Variants in REPS2 observed in about 807,000 individuals in gnomAD.
REPS2 encodes the protein ralBP1-associated Eps domain-containing protein 2.
Under a neutral mutation model 53.6 loss-of-function variants are expected in REPS2, and 23 were observed. The ratio of observed to expected loss-of-function variants is 0.43; its 90% CI spans 0.31 to 0.61. The LOEUF (loss-of-function observed/expected upper bound fraction) is 0.61. Among genes scored for constraint, REPS2 ranks in the 20% least tolerant of loss-of-function variants. The probability of loss-of-function intolerance (pLI) is 0.11; values close to 1 mark genes in which losing one functional copy is unlikely to be tolerated. For synonymous variants in REPS2, 238 were observed against 218.6 expected (o/e 1.09, Z -0.78); for missense variants, 446 against 534.9 (o/e 0.83, Z 1.64).
chrX:17,179,030 A>G, the REPS2 span, among the ~76,000 whole-genome samples: 1 of 112,227 alleles, frequency 8.9e-6, no homozygotes, highest in East Asian at 2.8e-4. Context: ...CTCCACTCAC[A>G]TACTAATGAA....
the REPS2 span, among the ~76,000 whole-genome samples, chrX:17,166,247 G>A: frequency 9.0e-6 from 1 of 110,991 alleles, no homozygotes; most frequent in East Asian, 2.8e-4. Context: ...TGGTACCAGA[G>A]GGTTTGTGTT....
intron 1 of REPS2, among the ~76,000 whole-genome samples, chrX:17,005,144 A>G (rs777010455): frequency 4.5e-5 from 5 of 111,811 alleles, no homozygotes; most frequent in East Asian, 2.8e-4. Context: ...GGGCTACATT[A>G]TAAAATTCAG....
chrX:17,131,005 G>A lies in REPS2; in HGVS notation c.1579-2819G>A, dbSNP rs761385073. On this transcript the variant is annotated intron_variant, in intron 14 of 17. Coordinates refer to ENST00000357277, the MANE Select transcript of REPS2 (RefSeq NM_004726.3). Reference sequence around the variant, plus strand: ...TAACAACAACAACAATATAGTTATCGTTAATGGAAGGGAGAAAGCTATAAG... The same window carrying A: ...TAACAACAACAACAATATAGTTATCATTAATGGAAGGGAGAAAGCTATAAG... Among the ~76,000 whole-genome samples the A allele has an allele frequency of 4.5e-5, 5 of 112,050 alleles. No homozygotes were observed. In the East Asian group the frequency reaches 1.4e-3, roughly 31 times the overall value.
chrX:17,118,116 C>T (rs753976173), intron 14 of REPS2, among the ~76,000 whole-genome samples: 50 of 103,498 alleles, frequency 4.8e-4, no homozygotes, highest in African/African-American at 1.4e-3. Context: ...CCTGCCACTA[C>T]GCCCGGCTAA....
intron 2 of REPS2, among the ~76,000 whole-genome samples, chrX:17,008,230 T>G (rs1054340800): frequency 8.9e-6 from 1 of 112,705 alleles, no homozygotes; most frequent in African/African-American, 3.2e-5. Flanking sequence ...ACTGATAGTT[T>G]TTATTCCATT....
intron 14 of REPS2, among the ~76,000 whole-genome samples, chrX:17,129,026 A>G (rs1374309470): frequency 8.9e-6 from 1 of 111,838 alleles, no homozygotes; most frequent in Non-Finnish European, 1.9e-5. Flanking sequence ...TGTAATCCAT[A>G]TATCTGTTTT....
Position 17,047,460 on chromosome X carries a change from A to G in REPS2, c.885A>G (p.Pro295=), listed in dbSNP as rs1569146496. 2 of 1,210,438 alleles carry G rather than the reference A, an allele frequency of 1.7e-6. No individual in the cohort carries two copies. The highest frequency in any genetic ancestry group is 1.1e-6 in the Non-Finnish European group (1 of 895,101). Residue 295 remains proline, a synonymous_variant, in exon 6 of 18, where the codon CCA becomes CCG. Transcript: ENST00000357277. ...YYVNQFRSLQ[P]DPSSFISGSV... Reference sequence around the variant, plus strand: ...TCAATCAGTTCCGATCCCTTCAGCCAGACCCAAGCTCTTTCATTTCAGGTA... The same window carrying G: ...TCAATCAGTTCCGATCCCTTCAGCCGGACCCAAGCTCTTTCATTTCAGGTA...
intron 13 of REPS2, among the ~76,000 whole-genome samples, chrX:17,098,822 C>T (rs1341779198): frequency 9.0e-6 from 1 of 111,230 alleles, no homozygotes; most frequent in Non-Finnish European, 1.9e-5. Flanking sequence ...GAGCATGGGC[C>T]CTTTACTTCC....
In REPS2 at chrX:17,121,265, C is replaced by T. The variant is rs754770393; in HGVS notation, c.1579-12559C>T. On this transcript the variant is annotated intron_variant, in intron 14 of 17. Coordinates refer to ENST00000357277, the MANE Select transcript of REPS2 (RefSeq NM_004726.3). ...CCCCAACTTCCTCCTAAATACCCTG[C>T]TCTGCCCATCAAATTTTGTAAGTAT... Among the ~76,000 whole-genome samples, 13 of 112,330 alleles carry T rather than the reference C, an allele frequency of 1.2e-4. No homozygotes were observed. The East Asian group carries it at 3.4e-3, about 29-fold the overall frequency.
At chrX:17,161,573 T>A in the REPS2 span, among the ~76,000 whole-genome samples, 1 of 109,844 alleles carries the variant, frequency 9.1e-6, no homozygotes, top group Non-Finnish European at 1.9e-5. Context: ...AGCAGATTCA[T>A]CCCCAGAGCC....
intron 10 of REPS2, 59 bp from the exon 11 acceptor site, chrX:17,069,881 G>T (rs1312632820): frequency 2.8e-6 from 2 of 726,826 alleles, no homozygotes; most frequent in Non-Finnish European, 3.9e-6. Context: ...ACATTTTATA[G>T]TTTTAATTTT....
At chrX:17,110,535 A>C (rs1169053048) in intron 14 of REPS2, among the ~76,000 whole-genome samples, 1 of 106,052 alleles carries the variant, frequency 9.4e-6, no homozygotes, top group African/African-American at 3.4e-5. Context: ...AAAAAAAAAA[A>C]ACAAAAATTA....
At chrX:17,021,595 CCG>C (rs2061578799) in intron 2 of REPS2, among the ~76,000 whole-genome samples, 1 of 112,795 alleles carries the variant, frequency 8.9e-6, no homozygotes, top group Admixed American at 9.3e-5. Flanking sequence ...TGCATTCAAA[CCG>C]TGGCTCTGCC....
rs758949426 is a variant in REPS2 at position 17,067,317 on chromosome X, ATATT to A, written c.1210-1081_1210-1078del. 1.1e-3 allele frequency among the ~76,000 whole-genome samples: 118 copies of A among 111,881 alleles called. 1 individual carries two copies. The highest frequency in any genetic ancestry group is 3.8e-3 in the African/African-American group (116 of 30,827). ...TTGAGGTATAATTGACAAAAAATAT[ATATT>A]TATGATGTTTTCATCTATGTATATA... On this transcript the variant is annotated intron_variant, in intron 9 of 17. Coordinates refer to ENST00000357277, the MANE Select transcript of REPS2 (RefSeq NM_004726.3).
Position 17,141,818 on chromosome X carries a change from A to G in REPS2, c.1914+2857A>G, listed in dbSNP as rs1422944106. 2.7e-5 allele frequency among the ~76,000 whole-genome samples: 3 copies of G among 112,573 alleles called. No homozygotes were observed. In the Admixed American group the frequency reaches 2.8e-4, roughly 11 times the overall value. ...TCTTACTTTATGAAATATCTTTTCA[A>G]ATGTTATTTTTCTCCAAAGTAGTCT... On this transcript the variant is annotated intron_variant, in intron 17 of 17. Transcript: ENST00000357277.
the REPS2 span, among the ~76,000 whole-genome samples, chrX:17,193,634 A>T: frequency 3.6e-5 from 4 of 111,660 alleles, 1 homozygote; most frequent in South Asian, 1.5e-3. Flanking sequence ...TCCTAAGCAG[A>T]TGGGCTGCTT....
At chrX:17,096,933 TACA>T (rs2062712912) in intron 13 of REPS2, among the ~76,000 whole-genome samples, 1 of 111,251 alleles carries the variant, frequency 9.0e-6, no homozygotes. Flanking sequence ...ATGGTAGAAA[TACA>T]ACATTTAAAG....
Position 16,946,845 on chromosome X carries a change from GC to G in REPS2, c.-12del, listed in dbSNP as rs1348108680. The G allele has an allele frequency of 1.3e-6, 1 of 759,497 alleles. No individual in the cohort carries two copies. Among genetic ancestry groups the G allele is most frequent in the Non-Finnish European group, 1.5e-6 (1 of 645,399 alleles). 62.6% of individuals were successfully genotyped at this position (759,497 alleles called of 1,213,427 possible). A position where few individuals can be genotyped will look rare whatever the true frequency, so the allele number is the denominator to read the frequency against. Reference sequence around the variant, plus strand: ...CCAGCTAGGGACAGGGCTCCGCCGCGCCCCCTTGCTGGCCCCATGGAGGCGG... The same window carrying G: ...CCAGCTAGGGACAGGGCTCCGCCGCGCCCCTTGCTGGCCCCATGGAGGCGG... On this transcript the variant is annotated 5_prime_UTR_variant, in exon 1 of 18. Coordinates refer to ENST00000357277, the MANE Select transcript of REPS2 (RefSeq NM_004726.3).
chrX:17,091,332 A>C, intron 13 of REPS2, among the ~76,000 whole-genome samples: 1 of 111,475 alleles, frequency 9.0e-6, no homozygotes, highest in Middle Eastern at 4.6e-3. Flanking sequence ...TTATTCCCTG[A>C]ATGTAGAATA....
Sources: allele counts gnomAD v4.1 joint callset (sites outside exome capture counted in the v4.1 genomes callset), GRCh38; gene constraint gnomAD v4.1.1; transcripts MANE v1.5; gene names NCBI Gene and HGNC (gene_info 2026-07-23, HGNC 2026-07-21).